Variants in PRKG1 observed in about 807,000 individuals in gnomAD.
PRKG1 encodes protein kinase cGMP-dependent 1.
Under a neutral mutation model 88.1 loss-of-function variants are expected in PRKG1, and 35 were observed. That is an observed-to-expected ratio of 0.40 (90% CI 0.30 to 0.53). The LOEUF (loss-of-function observed/expected upper bound fraction) is 0.53. Among genes scored for constraint, PRKG1 ranks in the 20% least tolerant of loss-of-function variants. PRKG1 has a pLI of 0.59. For missense variants in PRKG1, 540 were observed against 839.8 expected (o/e 0.64, Z 4.41); for synonymous variants, 303 against 292.5 (o/e 1.04, Z -0.37).
chr10:51,954,853 T>C (rs1232397076), intron 5 of PRKG1, among the ~76,000 whole-genome samples: 2 of 152,162 alleles, frequency 1.3e-5, no homozygotes, highest in Admixed American at 6.6e-5. Context: ...TTTACAAAGA[T>C]GGAGAGAATA....
At chr10:52,200,436 C>T (rs896696080) in intron 9 of PRKG1, among the ~76,000 whole-genome samples, 3 of 152,172 alleles carry the variant, frequency 2.0e-5, no homozygotes, top group South Asian at 4.1e-4. Context: ...ATACATACCA[C>T]ATTTTCTTTA....
At chr10:52,107,240 G>T (rs1847448604) in intron 7 of PRKG1, among the ~76,000 whole-genome samples, 1 of 152,014 alleles carries the variant, frequency 6.6e-6, no homozygotes, top group African/African-American at 2.4e-5. Flanking sequence ...TCTCAGCTTG[G>T]GTAAACCAAT....
At chr10:51,652,564 T>C (rs116995181) in intron 3 of PRKG1, among the ~76,000 whole-genome samples, 2,007 of 152,274 alleles carry the variant, frequency 0.013, 24 homozygotes, top group Non-Finnish European at 0.022. Context: ...ATCCCATTTC[T>C]TTATAAAATT....
rs150911617 is a variant in PRKG1 at position 51,949,410 on chromosome 10, C to T, written c.762+41840C>T. On this transcript the variant is annotated intron_variant, in intron 5 of 17. Transcript: ENST00000373980. ...GGAGGATCACTTGAGACCAGGAGTT[C>T]GAGATCAGCCTGGGAAACACAGGGA... 7.3e-5 allele frequency among the ~76,000 whole-genome samples: 11 copies of T among 151,538 alleles called. No homozygotes were observed. In the East Asian group the frequency reaches 1.4e-3, roughly 19 times the overall value.
intron 1 of PRKG1, among the ~76,000 whole-genome samples, chr10:51,140,709 C>T (rs1235718215): frequency 1.3e-5 from 2 of 152,132 alleles, no homozygotes; most frequent in Admixed American, 6.5e-5. Context: ...GACTACCTCC[C>T]CTTTTCATAT....
At chr10:51,136,245 G>T (rs962446835) in intron 1 of PRKG1, among the ~76,000 whole-genome samples, 1 of 152,058 alleles carries the variant, frequency 6.6e-6, no homozygotes, top group African/African-American at 2.4e-5. Flanking sequence ...GATGTTCCCA[G>T]TTGAGGTTAA....
chr10:51,042,070 C>T (rs1423487228), intron 1 of PRKG1, among the ~76,000 whole-genome samples: 2 of 152,178 alleles, frequency 1.3e-5, no homozygotes, highest in African/African-American at 4.8e-5. Flanking sequence ...TTTCTGCACA[C>T]ACCTGTAAGC....
At chr10:52,273,165 T>C (rs1841777462) in intron 12 of PRKG1, among the ~76,000 whole-genome samples, 1 of 152,086 alleles carries the variant, frequency 6.6e-6, no homozygotes, top group Non-Finnish European at 1.5e-5. Flanking sequence ...CATATTTAGA[T>C]AACTAGCAAA....
At position 51,867,442 on chromosome 10, in the gene PRKG1, A is replaced by G. The variant is rs1841044241; in HGVS notation, c.699-40065A>G. 2.0e-5 allele frequency among the ~76,000 whole-genome samples: 3 copies of G among 152,130 alleles called. 1 individual carries two copies. In the South Asian group the frequency reaches 6.2e-4, roughly 31 times the overall value. On this transcript the variant is annotated intron_variant, in intron 4 of 17. Transcript: ENST00000373980. Reference sequence around the variant, plus strand: ...AGATGGAAGGAGGGGAGAGGAATAAAGGTGGTGTGATTGATCAGGAGAGAA... The same window carrying G: ...AGATGGAAGGAGGGGAGAGGAATAAGGGTGGTGTGATTGATCAGGAGAGAA...
intron 2 of PRKG1, among the ~76,000 whole-genome samples, chr10:51,269,357 C>A (rs79397018): frequency 2.6e-5 from 4 of 152,012 alleles, no homozygotes; most frequent in Non-Finnish European, 5.9e-5. Context: ...ATTTAATCCA[C>A]TACTGGGTAT....
intron 7 of PRKG1, among the ~76,000 whole-genome samples, chr10:52,117,162 A>ATATGTGTG (rs1482097366): frequency 4.3e-5 from 2 of 46,978 alleles, no homozygotes; most frequent in South Asian, 1.1e-3. Context: ...TATGTGAAAT[A>ATATGTGTG]TCTGTGTGTG....
At chr10:51,917,879 A>C (rs998451636) in intron 5 of PRKG1, among the ~76,000 whole-genome samples, 1 of 152,214 alleles carries the variant, frequency 6.6e-6, no homozygotes, top group African/African-American at 2.4e-5. Context: ...ATAGAAAAAA[A>C]CAAATGCTTG....
At chr10:51,845,295 A>T (rs1247652182) in intron 4 of PRKG1, among the ~76,000 whole-genome samples, 1 of 152,080 alleles carries the variant, frequency 6.6e-6, no homozygotes, top group African/African-American at 2.4e-5. Flanking sequence ...ATCCTCCTCC[A>T]AGACTTTCCT....
intron 3 of PRKG1, among the ~76,000 whole-genome samples, chr10:51,730,349 A>C (rs942307957): frequency 3.3e-5 from 5 of 152,260 alleles, no homozygotes; most frequent in Non-Finnish European, 7.3e-5. Context: ...AAAAGTAATG[A>C]AGTGCAAACA....
chr10:52,026,760 A>G (rs1167742396), intron 5 of PRKG1, among the ~76,000 whole-genome samples: 3 of 152,172 alleles, frequency 2.0e-5, no homozygotes, highest in Non-Finnish European at 4.4e-5. Context: ...GCGGATCACC[A>G]ACTCAGGAGA....
intron 2 of PRKG1, among the ~76,000 whole-genome samples, chr10:51,188,587 C>A (rs1389159695): frequency 6.6e-6 from 1 of 151,872 alleles, no homozygotes; most frequent in East Asian, 1.9e-4. Context: ...ACAAGAAGAT[C>A]CTTCAGAAAA....
chr10:51,164,937 T>G (rs1263579919), intron 2 of PRKG1, among the ~76,000 whole-genome samples: 1 of 152,202 alleles, frequency 6.6e-6, no homozygotes, highest in Middle Eastern at 3.4e-3. Context: ...GTACCTGAAA[T>G]TGACGGGGAA....
chr10:51,461,574 AGAG>A (rs1312193769), intron 2 of PRKG1, among the ~76,000 whole-genome samples: 1 of 152,218 alleles, frequency 6.6e-6, no homozygotes, highest in African/African-American at 2.4e-5. Flanking sequence ...AATACTGTGA[AGAG>A]TTAACACATC....
chr10:51,706,994 A>G (rs968675727), intron 3 of PRKG1, among the ~76,000 whole-genome samples: 2 of 152,116 alleles, frequency 1.3e-5, no homozygotes, highest in African/African-American at 4.8e-5. Flanking sequence ...TTGGGGGCCT[A>G]TATCTTTATT....
Sources: allele counts gnomAD v4.1 joint callset (sites outside exome capture counted in the v4.1 genomes callset), GRCh38; gene constraint gnomAD v4.1.1; transcripts MANE v1.5; gene names NCBI Gene and HGNC (gene_info 2026-07-23, HGNC 2026-07-21).